NPLOC4: variants seen among roughly 807,000 people sequenced by gnomAD.
NPLOC4 encodes the protein NPL4 homolog, ubiquitin recognition factor.
Under a neutral mutation model 80.6 loss-of-function variants are expected in NPLOC4, and 18 were observed. The ratio of observed to expected loss-of-function variants is 0.22; its 90% CI spans 0.15 to 0.33. The LOEUF is 0.33. Among genes scored for constraint, NPLOC4 ranks in the 10% least tolerant of loss-of-function variants. The probability of loss-of-function intolerance (pLI) is 1.00; values close to 1 mark genes in which losing one functional copy is unlikely to be tolerated. For missense variants in NPLOC4, 540 were observed against 786.1 expected, an observed-to-expected ratio of 0.69 and a Z score of 3.74; for synonymous variants, 313 against 301.5, an observed-to-expected ratio of 1.04 and a Z score of -0.39.
chr17:81,574,466 T>C (rs78020514), intron 12 of NPLOC4, among the ~76,000 whole-genome samples: 2 of 152,328 alleles, frequency 1.3e-5, no homozygotes, highest in Non-Finnish European at 2.9e-5. Context: ...TACACACCAT[T>C]TTAAAAGGCA....
chr17:81,616,625 G>T (rs543148483), intron 3 of NPLOC4, among the ~76,000 whole-genome samples: 1 of 151,968 alleles, frequency 6.6e-6, no homozygotes, highest in African/African-American at 2.4e-5. Context: ...AGCTACTCGG[G>T]AGGCTGAGGC....
chr17:81,610,453 C>A (rs145219362), intron 4 of NPLOC4, among the ~76,000 whole-genome samples, 195 bp from the exon 5 acceptor site: 1 of 152,284 alleles, frequency 6.6e-6, no homozygotes, highest in East Asian at 1.9e-4. Context: ...CTCACTCTAT[C>A]GCCCAGGCTG....
intron 11 of NPLOC4, among the ~76,000 whole-genome samples, chr17:81,591,304 G>A (rs1026744348): frequency 3.3e-5 from 5 of 151,758 alleles, no homozygotes; most frequent in East Asian, 3.9e-4. Flanking sequence ...GCATGGTGGC[G>A]TGCACCTGTA....
In NPLOC4 at chr17:81,557,208, A is replaced by T. The variant is rs549124639; in HGVS notation, c.*2051T>A. 2.0e-5 allele frequency: 3 copies of T among 152,498 alleles called. No homozygotes were observed. Among genetic ancestry groups the T allele is most frequent in the South Asian group, 2.1e-4 (1 of 4,828 alleles). The allele number at this position is 152,498 out of a possible 1,614,324, so 9.4% of individuals were successfully genotyped here. A position where few individuals can be genotyped will look rare whatever the true frequency, so the allele number is the denominator to read the frequency against. On this transcript the variant is annotated 3_prime_UTR_variant, in exon 17 of 17. Coordinates refer to ENST00000331134, the MANE Select transcript of NPLOC4 (RefSeq NM_017921.4). ...GCTGAGACCTCCTTCCCACAAGAGG[A>T]GGTGGCTGAGCCTCCCAGGGCCTGA...
chr17:81,629,969 C>G, intron 1 of NPLOC4, 164 bp from the exon 2 acceptor site: 1 of 579,304 alleles, frequency 1.7e-6, no homozygotes, highest in Non-Finnish European at 3.1e-6. Context: ...GAATATGATG[C>G]CGAGGGGTGA....
At chr17:81,594,231 C>T (rs922323937) in intron 11 of NPLOC4, among the ~76,000 whole-genome samples, 11 of 129,888 alleles carry the variant, frequency 8.5e-5, no homozygotes, top group Non-Finnish European at 1.5e-4. Flanking sequence ...GCCAAGACAG[C>T]GCCACTGCAG....
At position 81,608,716 on chromosome 17, in the gene NPLOC4, C is replaced by G. The variant is rs2035266998; in HGVS notation, c.530+12G>C. 5 of 1,567,882 alleles carry G rather than the reference C, an allele frequency of 3.2e-6. No homozygotes were observed. Among genetic ancestry groups the G allele is most frequent in the South Asian group, 1.2e-5 (1 of 85,190 alleles). On this transcript the variant is annotated intron_variant, in intron 6 of 16. Transcript: ENST00000331134. ...GAATTTACGCACAACCAGGTTACAG[C>G]AAGTTGCTTACTTGTCAGCCCCTCC...
At chr17:81,598,575 G>A (rs570753643) in intron 9 of NPLOC4, among the ~76,000 whole-genome samples, 8 of 152,290 alleles carry the variant, frequency 5.3e-5, no homozygotes, top group South Asian at 4.1e-4. Context: ...CCTCAAGGCC[G>A]GAAGGAAGCA....
chr17:81,600,180 CAT>C (rs1375405221), intron 9 of NPLOC4, among the ~76,000 whole-genome samples, 159 bp downstream of exon 9: 1 of 151,974 alleles, frequency 6.6e-6, no homozygotes, highest in African/African-American at 2.4e-5. Flanking sequence ...GCCCAACAAA[CAT>C]ATGTGAAGTT....
chr17:81,616,555 C>T (rs2035497410), intron 3 of NPLOC4, among the ~76,000 whole-genome samples: 1 of 151,396 alleles, frequency 6.6e-6, no homozygotes, highest in African/African-American at 2.4e-5. Flanking sequence ...ACGGTGAAAC[C>T]CCGTCTCTAC....
chr17:81,584,110 T>C (rs1265869862), intron 12 of NPLOC4, among the ~76,000 whole-genome samples: 2 of 152,166 alleles, frequency 1.3e-5, no homozygotes, highest in Admixed American at 6.5e-5. Flanking sequence ...CAGACAAATA[T>C]TGGTGCAGGT....
chr17:81,631,799 C>G (rs547024237), intron 1 of NPLOC4, among the ~76,000 whole-genome samples: 187 of 151,918 alleles, frequency 1.2e-3, no homozygotes, highest in Non-Finnish European at 2.0e-3. Flanking sequence ...TTGTATTTAG[C>G]TCATTTTTTT....
At chr17:81,629,533 T>C (rs1003868005) in intron 2 of NPLOC4, among the ~76,000 whole-genome samples, 192 bp downstream of exon 2, 1 of 152,112 alleles carries the variant, frequency 6.6e-6, no homozygotes, top group African/African-American at 2.4e-5. Context: ...TCCTATAATT[T>C]TGAGCAGTGA....
At chr17:81,565,757 C>A in intron 15 of NPLOC4, 150 bp from the exon 16 acceptor site, 2 of 617,698 alleles carry the variant, frequency 3.2e-6, no homozygotes, top group Non-Finnish European at 5.5e-6. Flanking sequence ...TGCAAACTGC[C>A]ACAACTTACA....
At chr17:81,633,423 TGAA>T (rs975314399) in intron 1 of NPLOC4, among the ~76,000 whole-genome samples, 10 of 152,306 alleles carry the variant, frequency 6.6e-5, no homozygotes, top group African/African-American at 1.7e-4. Flanking sequence ...AATTCTAAGG[TGAA>T]GAAGTCATCC....
intron 12 of NPLOC4, among the ~76,000 whole-genome samples, chr17:81,574,604 T>A (rs1340770072): frequency 6.6e-6 from 1 of 151,846 alleles, no homozygotes; most frequent in African/African-American, 2.4e-5. Context: ...CACCAGGAGG[T>A]CGGAGGTTGT....
At chr17:81,625,803 A>G (rs1004102875) in intron 2 of NPLOC4, among the ~76,000 whole-genome samples, 14 of 151,282 alleles carry the variant, frequency 9.3e-5, no homozygotes, top group African/African-American at 2.9e-4. Flanking sequence ...GATTTGGGGA[A>G]AAAAAAAACA....
In NPLOC4 at chr17:81,578,407, C is replaced by T. The variant is rs561573116; in HGVS notation, c.1282-6319G>A. Among the ~76,000 whole-genome samples the T allele has an allele frequency of 2.6e-4, 39 of 152,328 alleles. No homozygotes were observed. In the South Asian group the frequency reaches 7.5e-3, roughly 29 times the overall value. On this transcript the variant is annotated intron_variant, in intron 12 of 16. Coordinates refer to ENST00000331134, the MANE Select transcript of NPLOC4 (RefSeq NM_017921.4). Reference sequence around the variant, plus strand: ...GAGGGACCATGAGGGACCTGCTCACCGTGGCGCCCCAGGCCTAACACCTGA... The same window carrying T: ...GAGGGACCATGAGGGACCTGCTCACTGTGGCGCCCCAGGCCTAACACCTGA...
intron 16 of NPLOC4, chr17:81,564,634 A>G (rs867675091): frequency 1.3e-5 from 2 of 152,094 alleles, no homozygotes; most frequent in Admixed American, 1.3e-4. Flanking sequence ...CTAAGAATAC[A>G]AAAATTATCC....
Sources: gnomAD v4.1 joint callset for allele counts (sites outside exome capture counted in the v4.1 genomes callset) on GRCh38, gnomAD v4.1.1 for gene constraint, MANE v1.5 for transcripts, NCBI Gene and HGNC (gene_info 2026-07-23, HGNC 2026-07-21) for gene names.